MINK1: variants seen among roughly 807,000 people sequenced by gnomAD.
MINK1 encodes the protein misshapen-like kinase 1.
A neutral mutation model predicts 178.4 loss-of-function variants in MINK1; 46 were observed. The ratio of observed to expected loss-of-function variants is 0.26; its 90% CI spans 0.20 to 0.33. The LOEUF is 0.33. Among genes scored for constraint, MINK1 ranks in the 10% least tolerant of loss-of-function variants. The pLI, the probability that MINK1 is intolerant of heterozygous loss-of-function variation, is 1.00. For missense variants in MINK1, 1,366 were observed against 1,814.9 expected (o/e 0.75, Z 4.49); for synonymous variants, 797 against 709.7 (o/e 1.12, Z -1.96).
chr17:4,844,532 G>A (rs574798091), intron 1 of MINK1: 38 of 499,988 alleles, frequency 7.6e-5, no homozygotes, highest in African/African-American at 1.9e-4. Flanking sequence ...CCTTTTATTC[G>A]TATACCTGGG....
At chr17:4,866,291 C>T (rs1318762197) in intron 1 of MINK1, among the ~76,000 whole-genome samples, 1 of 151,810 alleles carries the variant, frequency 6.6e-6, no homozygotes, top group Non-Finnish European at 1.5e-5. Flanking sequence ...CATGGTGAAA[C>T]CCCGTCTCTA....
chr17:4,855,065 G>A (rs927252520), intron 1 of MINK1, among the ~76,000 whole-genome samples: 11 of 151,924 alleles, frequency 7.2e-5, no homozygotes, highest in Admixed American at 3.9e-4. Flanking sequence ...AAGATTAGCC[G>A]GGCGTGGTGG....
chr17:4,893,035 G>A lies in MINK1; in HGVS notation c.2368G>A (p.Asp790Asn), dbSNP rs369347805. Reference protein sequence around the residue: ...VLSPGNKAKPDDHRSRPGRPA... With the variant: ...VLSPGNKAKPNDHRSRPGRPA... ...CTCCCCTGGGAATAAAGCCAAGCCC[G>A]ACGACCACCGCTCACGGCCAGGCCG... The change falls in exon 20 of 32, where the codon GAC (aspartate) becomes AAC (asparagine). Residue 790 changes from aspartate (D) to asparagine (N), a missense_variant. By Grantham distance (23) the Asp-to-Asn change is conservative. Coordinates refer to ENST00000355280, the MANE Select transcript of MINK1 (RefSeq NM_153827.5). The A allele has an allele frequency of 1.8e-5, 29 of 1,576,566 alleles. No homozygotes were observed. Among genetic ancestry groups the A allele is most frequent in the Middle Eastern group, 3.3e-4 (2 of 6,028 alleles).
At chr17:4,862,063 C>T (rs1461742778) in intron 1 of MINK1, among the ~76,000 whole-genome samples, 1 of 152,084 alleles carries the variant, frequency 6.6e-6, no homozygotes, top group Non-Finnish European at 1.5e-5. Flanking sequence ...AGAAATGGCT[C>T]CTGCCCTTAA....
At chr17:4,850,272 A>C (rs911799869) in intron 1 of MINK1, among the ~76,000 whole-genome samples, 1 of 152,106 alleles carries the variant, frequency 6.6e-6, no homozygotes, top group Non-Finnish European at 1.5e-5. Context: ...TTTGGCATGA[A>C]AGGTGTCTGG....
chr17:4,895,576 C>T lies in MINK1; in HGVS notation c.3229+83C>T, dbSNP rs1969361851. On this transcript the variant is annotated intron_variant, in intron 26 of 31. Transcript: ENST00000355280. The surrounding 1 kb of genome is among the most constrained non-coding windows in gnomAD (Gnocchi z 4.3). Reference sequence around the variant, plus strand: ...ATCTTCTGCCTGGGAGGAGGGCAGGCACTGGAAGGTGGGGCCACACTTTCT... The same window carrying T: ...ATCTTCTGCCTGGGAGGAGGGCAGGTACTGGAAGGTGGGGCCACACTTTCT... The T allele has an allele frequency of 3.2e-6, 5 of 1,547,144 alleles. No individual in the cohort carries two copies. Among genetic ancestry groups the T allele is most frequent in the African/African-American group, 2.7e-5 (2 of 73,950 alleles).
chr17:4,889,890 C>T, intron 13 of MINK1, 127 bp downstream of exon 13: 1 of 690,416 alleles, frequency 1.4e-6, no homozygotes. Context: ...TCTAGCTTCA[C>T]TCTTTCTCTC....
intron 1 of MINK1, chr17:4,860,864 C>G: frequency 2.0e-6 from 1 of 497,716 alleles, no homozygotes; most frequent in Non-Finnish European, 4.0e-6. Context: ...TAGGGAGCAA[C>G]TTCGGGAAGC....
At chr17:4,893,165 G>C in intron 20 of MINK1, 98 bp downstream of exon 20, 1 of 1,515,130 alleles carries the variant, frequency 6.6e-7, no homozygotes, top group Non-Finnish European at 9.0e-7. Flanking sequence ...CTGATCTACC[G>C]AGAAGGGCTG....
At chr17:4,839,239 G>A (rs1300804760) in intron 1 of MINK1, among the ~76,000 whole-genome samples, 1 of 152,096 alleles carries the variant, frequency 6.6e-6, no homozygotes, top group African/African-American at 2.4e-5. Flanking sequence ...CACCGTGCCC[G>A]GCCTAGACTC....
In MINK1 at chr17:4,881,236, G is replaced by A. The variant is rs541841365; in HGVS notation, c.285G>A (p.Pro95=). The part of the protein sequence containing the change: ...YYGAFIKKSP[P]GNDDQLWLVM... ...GAGCCTTCATCAAGAAGAGCCCCCCGGGAAACGATGACCAGCTCTGGGTGA... is the reference window on the plus strand; with the variant it reads ...GAGCCTTCATCAAGAAGAGCCCCCCAGGAAACGATGACCAGCTCTGGGTGA... The change falls in exon 4 of 32, where the codon CCG becomes CCA. Residue 95 remains proline, a synonymous_variant. Coordinates refer to ENST00000355280, the MANE Select transcript of MINK1 (RefSeq NM_153827.5). 9.6e-5 allele frequency: 147 copies of A among 1,536,960 alleles called. No individual in the cohort carries two copies. The highest frequency in any genetic ancestry group is 1.7e-4 in the Middle Eastern group (1 of 5,998).
intron 1 of MINK1, among the ~76,000 whole-genome samples, chr17:4,863,433 A>G (rs1914486933): frequency 6.6e-6 from 1 of 152,092 alleles, no homozygotes; most frequent in African/African-American, 2.4e-5. Context: ...GCCTTAGGTT[A>G]CCTTTTTTCC....
At position 4,896,537 on chromosome 17, in the gene MINK1, C is replaced by T. The variant is rs757102451; in HGVS notation, c.3724C>T (p.Arg1242Cys). 8.7e-6 allele frequency: 14 copies of T among 1,613,820 alleles called. No homozygotes were observed. The highest frequency in any genetic ancestry group is 4.0e-5 in the African/African-American group (3 of 74,900). The change falls in exon 30 of 32, where the codon CGC becomes TGC. Residue 1242 changes from arginine to cysteine, a missense_variant. Physicochemically the swap from Arg to Cys is radical, Grantham distance 180. This residue lies in a region of MINK1 where 201 missense variants were observed against 240.7 expected (regional missense o/e 0.84). Coordinates refer to ENST00000355280, the MANE Select transcript of MINK1 (RefSeq NM_153827.5). This position sits in a 1 kb window ranked among gnomAD's most constrained non-coding sequence, Gnocchi z 4.6. ...GGGTGTCTACGTCAACACGTACGGG[C>T]GCATCATTAAGGATGTGGTGCTGCA... ...DEGVYVNTYG[R>C]IIKDVVLQWG...
chr17:4,852,027 A>AAAAC (rs1912082021), intron 1 of MINK1, among the ~76,000 whole-genome samples: 3 of 137,440 alleles, frequency 2.2e-5, no homozygotes, highest in Admixed American at 7.3e-5. Flanking sequence ...AAAAAAAAAA[A>AAAAC]CTAAGAAAGT....
intron 1 of MINK1, among the ~76,000 whole-genome samples, chr17:4,864,589 G>A (rs935944016): frequency 4.6e-5 from 7 of 151,674 alleles, no homozygotes; most frequent in African/African-American, 7.3e-5. Flanking sequence ...GCCGGGCATG[G>A]TGGTGGGTGC....
rs1452275647 is a variant in MINK1 at position 4,890,618 on chromosome 17, A to ACAG, written c.1460_1462dup (p.Gln487dup). The ACAG allele has an allele frequency of 6.4e-7, 1 of 1,558,598 alleles. No homozygotes were observed. Among genetic ancestry groups the ACAG allele is most frequent in the Middle Eastern group, 1.7e-4 (1 of 5,980 alleles). Reference sequence around the variant, plus strand: ...ACCTCAAGTCCCTGCAGCAGCAGCAACAGCAGCAGCAGCTTCAGAAACAGC... The same window carrying ACAG: ...ACCTCAAGTCCCTGCAGCAGCAGCAACAGCAGCAGCAGCAGCTTCAGAAACAGC... On this transcript the variant is annotated inframe_insertion, in exon 14 of 32. Coordinates refer to ENST00000355280, the MANE Select transcript of MINK1 (RefSeq NM_153827.5).
In MINK1 at chr17:4,895,848, C is replaced by T; in HGVS notation, c.3364+16C>T. The T allele has an allele frequency of 6.2e-7, 1 of 1,612,114 alleles. No homozygotes were observed. Among genetic ancestry groups the T allele is most frequent in the Non-Finnish European group, 8.5e-7 (1 of 1,178,972 alleles). ...TACCGTGTTGGTGAGGATGTCCCAA[C>T]AGAGTGGCCAGCGCATACTTGTTCA... On this transcript the variant is annotated intron_variant, in intron 27 of 31. Transcript: ENST00000355280. The surrounding 1 kb of genome is among the most constrained non-coding windows in gnomAD (Gnocchi z 4.3).
chr17:4,841,269 G>A (rs567551047), intron 1 of MINK1, among the ~76,000 whole-genome samples: 4 of 152,260 alleles, frequency 2.6e-5, no homozygotes, highest in Non-Finnish European at 5.9e-5. Flanking sequence ...CAGGCCTCCT[G>A]AAAGCAGGCC....
rs1011435929 is a variant in MINK1, at chr17:4,896,935, C to G, written c.3915+122C>G. 1 of 1,343,126 alleles carries G rather than the reference C, an allele frequency of 7.4e-7. No individual in the cohort carries two copies. Among genetic ancestry groups the G allele is most frequent in the African/African-American group, 1.5e-5 (1 of 67,708 alleles). The allele number at this position is 1,343,126 out of a possible 1,614,324, so 83.2% of individuals were successfully genotyped here. A position where few individuals can be genotyped will look rare whatever the true frequency, so the allele number is the denominator to read the frequency against. ...TCCTGAAAGCGGGCCCCTCTGGGAG[C>G]TCAGAGGGCAGTCAGCCACTACCAC... On this transcript the variant is annotated intron_variant, in intron 31 of 31. Coordinates refer to ENST00000355280, the MANE Select transcript of MINK1 (RefSeq NM_153827.5). The surrounding 1 kb of genome is among the most constrained non-coding windows in gnomAD (Gnocchi z 4.6).
Sources: allele counts gnomAD v4.1 joint callset (sites outside exome capture counted in the v4.1 genomes callset), GRCh38; gene constraint gnomAD v4.1.1; regional missense constraint gnomAD v4.1.1; non-coding constraint Gnocchi (gnomAD v3.1); transcripts MANE v1.5; gene names NCBI Gene and HGNC (gene_info 2026-07-23, HGNC 2026-07-21).